PTDSS1: variants seen among roughly 807,000 people sequenced by gnomAD.
The protein encoded by PTDSS1 is phosphatidylserine synthase 1.
Under a neutral mutation model 70.5 loss-of-function variants are expected in PTDSS1, and 45 were observed. The ratio of observed to expected loss-of-function variants is 0.64; its 90% CI spans 0.50 to 0.82. The LOEUF (loss-of-function observed/expected upper bound fraction) is 0.82. Among genes scored for constraint, PTDSS1 ranks in the 40% least tolerant of loss-of-function variants. The pLI is 0.00. For missense variants in PTDSS1, 417 were observed against 586.1 expected (o/e 0.71, Z 2.98); for synonymous variants, 188 against 203.8 (o/e 0.92, Z 0.66).
At position 96,287,346 on chromosome 8, in the gene PTDSS1, G is replaced by A. The variant is rs190565493; in HGVS notation, c.441+200G>A. The A allele has an allele frequency of 2.2e-4, 139 of 622,214 alleles. 1 individual carries two copies. Among genetic ancestry groups the A allele is most frequent in the Admixed American group, 1.3e-4 (4 of 31,170 alleles). 38.5% of individuals were successfully genotyped at this position (622,214 alleles called of 1,614,324 possible). A position where few individuals can be genotyped will look rare whatever the true frequency, so the allele number is the denominator to read the frequency against. ...CAGGGAAAGAAAATCCTCTCATTAC[G>A]CAAAGGGGTCTGTGAGGAAGAATGC... is the stretch of plus-strand genomic sequence containing the variant. On this transcript the variant is annotated intron_variant, in intron 4 of 12. Transcript: ENST00000517309.
At chr8:96,314,873 G>A (rs1041711410) in intron 9 of PTDSS1, among the ~76,000 whole-genome samples, 7 of 152,186 alleles carry the variant, frequency 4.6e-5, no homozygotes, top group African/African-American at 1.7e-4. Flanking sequence ...TGGGATTACA[G>A]GCGTGAGCCA....
At chr8:96,272,319 A>T (rs1183058239) in intron 1 of PTDSS1, among the ~76,000 whole-genome samples, 1 of 151,974 alleles carries the variant, frequency 6.6e-6, no homozygotes, top group Admixed American at 6.6e-5. Context: ...TTGAATCTTT[A>T]ATTTTAATTT....
Position 96,333,494 on chromosome 8 carries a change from C to T in PTDSS1, c.1350C>T (p.Asn450=), listed in dbSNP as rs754384417. The T allele has an allele frequency of 6.2e-7, 1 of 1,614,004 alleles. No homozygotes were observed. Among genetic ancestry groups the T allele is most frequent in the Non-Finnish European group, 8.5e-7 (1 of 1,179,948 alleles). ...GCCCACCCAAGCATGCAGGCAACAA[C>T]GAAAGCCATTCTTCCAGGAGAAGGA... ...EDSPPKHAGN[N]ESHSSRRRNR... The change falls in exon 13 of 13, where the codon AAC becomes AAT. Residue 450 remains asparagine (N), a synonymous_variant. Coordinates refer to ENST00000517309, the MANE Select transcript of PTDSS1 (RefSeq NM_014754.3).
chr8:96,282,471 G>T (rs1810752432), intron 2 of PTDSS1, among the ~76,000 whole-genome samples: 1 of 152,164 alleles, frequency 6.6e-6, no homozygotes, highest in Admixed American at 6.5e-5. Context: ...AGATTTAGAT[G>T]AATTTTCAAT....
At position 96,276,079 on chromosome 8, in the gene PTDSS1, C is replaced by T. The variant is rs964749300; in HGVS notation, c.271+2689C>T. 7.9e-5 allele frequency among the ~76,000 whole-genome samples: 12 copies of T among 152,186 alleles called. No individual in the cohort carries two copies. The South Asian group carries it at 8.3e-4, about 10-fold the overall frequency. On this transcript the variant is annotated intron_variant, in intron 2 of 12. Transcript: ENST00000517309. ...GCTTAGTTCTCAAGGGTTACTTTTT[C>T]GTGGCTTTGAAAGTTTCTTTTTGGC...
At chr8:96,310,461 C>T (rs1042517466) in intron 9 of PTDSS1, among the ~76,000 whole-genome samples, 1 of 151,396 alleles carries the variant, frequency 6.6e-6, no homozygotes, top group African/African-American at 2.4e-5. Flanking sequence ...CGCACCCGGC[C>T]TTGGCTCTCT....
Position 96,268,550 on chromosome 8 carries a change from C to T in PTDSS1, c.180-4749C>T, listed in dbSNP as rs541065369. On this transcript the variant is annotated intron_variant, in intron 1 of 12. Transcript: ENST00000517309. ...CTTTGCTTTGGTTTCCTGAAGTTAC[C>T]ACCCCTCTGGTCAAATTCCTGTACT... Among the ~76,000 whole-genome samples, 8 of 152,160 alleles carry T rather than the reference C, an allele frequency of 5.3e-5. No individual in the cohort carries two copies. In the East Asian group the frequency reaches 1.4e-3, roughly 26 times the overall value.
chr8:96,321,450 C>G (rs1437169216), intron 10 of PTDSS1, among the ~76,000 whole-genome samples: 1 of 152,118 alleles, frequency 6.6e-6, no homozygotes, highest in East Asian at 1.9e-4. Context: ...GGTTGGCATG[C>G]CTTTTAAGTC....
At chr8:96,292,970 G>A (rs1810927920) in intron 4 of PTDSS1, among the ~76,000 whole-genome samples, 1 of 152,220 alleles carries the variant, frequency 6.6e-6, no homozygotes, top group Non-Finnish European at 1.5e-5. Context: ...AACTGCCCCA[G>A]AGAGGAGTGA....
chr8:96,294,990 C>G, intron 4 of PTDSS1, 108 bp from the exon 5 acceptor site: 1 of 1,065,870 alleles, frequency 9.4e-7, no homozygotes, highest in Non-Finnish European at 1.3e-6. Context: ...CTGAGCAGGA[C>G]TTATTTGTTG....
At chr8:96,309,435 A>T in intron 8 of PTDSS1, 122 bp from the exon 9 acceptor site, 1 of 781,564 alleles carries the variant, frequency 1.3e-6, no homozygotes, top group Non-Finnish European at 2.2e-6. Context: ...GAACAGAACT[A>T]GACCAGGCAG....
chr8:96,302,133 A>G (rs544210591), intron 6 of PTDSS1, among the ~76,000 whole-genome samples: 6 of 152,098 alleles, frequency 3.9e-5, no homozygotes, highest in African/African-American at 1.4e-4. Context: ...GTTCTCCTGC[A>G]TCAGCCTCCC....
intron 6 of PTDSS1, 80 bp from the exon 7 acceptor site, chr8:96,303,960 T>G (rs902730305): frequency 7.1e-7 from 1 of 1,418,438 alleles, no homozygotes; most frequent in Non-Finnish European, 9.6e-7. Flanking sequence ...AAATCATCAG[T>G]GCACAGGATT....
In PTDSS1 at chr8:96,262,209, G is replaced by C; in HGVS notation, c.169G>C (p.Ala57Pro). The C allele has an allele frequency of 6.3e-7, 1 of 1,597,998 alleles. No homozygotes were observed. Among genetic ancestry groups the C allele is most frequent in the Non-Finnish European group, 8.5e-7 (1 of 1,170,404 alleles). Residue 57 changes from alanine (A) to proline (P), a missense_variant, in exon 1 of 13, where the codon GCC becomes CCC. By Grantham distance (27) the Ala-to-Pro change is conservative (BLOSUM62 -1). This residue lies in a region of PTDSS1 where 272 missense variants were observed against 429.5 expected (regional missense o/e 0.63). Transcript: ENST00000517309. The surrounding 1 kb of genome is among the most constrained non-coding windows in gnomAD (Gnocchi z 4.4). ...CACCATCGTCAGCCTCATGTACTTC[G>C]CCTTTACCAGGTGGGGCGGCCCAGC... is the stretch of plus-strand genomic sequence containing the variant. ...SFTIVSLMYF[A>P]FTRDDSVPED...
chr8:96,290,345 G>A (rs757406931), intron 4 of PTDSS1, among the ~76,000 whole-genome samples: 6 of 152,164 alleles, frequency 3.9e-5, no homozygotes, highest in African/African-American at 7.2e-5. Flanking sequence ...AGGTGGATGT[G>A]CTTGTGTGCC....
intron 9 of PTDSS1, among the ~76,000 whole-genome samples, chr8:96,313,316 T>C (rs1456406325): frequency 6.6e-6 from 1 of 152,174 alleles, no homozygotes; most frequent in Non-Finnish European, 1.5e-5. Flanking sequence ...GGGAATGGGA[T>C]CCCTAACAGA....
chr8:96,311,990 T>G (rs1468670903), intron 9 of PTDSS1, among the ~76,000 whole-genome samples: 1 of 152,230 alleles, frequency 6.6e-6, no homozygotes, highest in East Asian at 1.9e-4. Context: ...TATTTAAAAG[T>G]CCTTAGCAAG....
At chr8:96,306,066 G>A (rs1474451469) in intron 7 of PTDSS1, among the ~76,000 whole-genome samples, 1 of 152,208 alleles carries the variant, frequency 6.6e-6, no homozygotes, top group Non-Finnish European at 1.5e-5. Context: ...AGGCAGCATA[G>A]GTGTTCTGTG....
intron 4 of PTDSS1, among the ~76,000 whole-genome samples, chr8:96,289,961 G>A (rs966023554): frequency 3.9e-5 from 6 of 152,112 alleles, no homozygotes; most frequent in Non-Finnish European, 8.8e-5. Context: ...GCAGATGACG[G>A]TTATGAGAAT....
Sources: allele counts gnomAD v4.1 joint callset (sites outside exome capture counted in the v4.1 genomes callset), GRCh38; gene constraint gnomAD v4.1.1; regional missense constraint gnomAD v4.1.1; non-coding constraint Gnocchi (gnomAD v3.1); transcripts MANE v1.5; gene names NCBI Gene and HGNC (gene_info 2026-07-23, HGNC 2026-07-21).